Variants in MCM8 observed in about 807,000 individuals in gnomAD.
MCM8 encodes the protein DNA helicase MCM8.
Under a neutral mutation model 98.9 loss-of-function variants are expected in MCM8, and 85 were observed. The ratio of observed to expected loss-of-function variants is 0.86; its 90% CI spans 0.72 to 1.03. The LOEUF is 1.03. Ranked by LOEUF, MCM8 falls within the 50% of genes least tolerant of loss-of-function variation. MCM8 has a pLI of 0.00. For synonymous variants in MCM8, 352 were observed against 338.6 expected (o/e 1.04, Z -0.44); for missense variants, 951 against 997.8 (o/e 0.95, Z 0.63).
intron 3 of MCM8, 131 bp from the exon 4 acceptor site, chr20:5,954,477 A>G (rs2088917491): frequency 2.0e-6 from 1 of 505,188 alleles, no homozygotes; most frequent in Admixed American, 3.4e-5. Context: ...TAGTTCTTAT[A>G]TGAATGTAAT....
chr20:5,963,346 T>G lies in MCM8; in HGVS notation c.862T>G (p.Trp288Gly), dbSNP rs1455204048. The G allele has an allele frequency of 2.5e-6, 4 of 1,613,750 alleles. No individual in the cohort carries two copies. The African/African-American group carries it at 5.3e-5, about 22-fold the overall frequency. The change falls in exon 8 of 19, where the codon TGG becomes GGG. Residue 288 changes from tryptophan to glycine, a missense_variant. Physicochemically the swap from Trp to Gly is radical, Grantham distance 184 (BLOSUM62 -2). Transcript: ENST00000610722. ...CTCTCCTCTCACAGTTACGATGGAC[T>G]GGCAGTCAATCAAGTAAGCGATCAG... is the stretch of plus-strand genomic sequence containing the variant. ...RSSPLTVTMD[W>G]QSIKIQELMS...
intron 11 of MCM8, chr20:5,972,715 C>T: frequency 4.6e-6 from 6 of 1,300,148 alleles, no homozygotes; most frequent in Non-Finnish European, 6.0e-6. Context: ...CCACCAGACC[C>T]AGCTACTTTT....
chr20:5,985,102 C>T (rs1301650335), intron 15 of MCM8, 102 bp downstream of exon 15: 12 of 866,514 alleles, frequency 1.4e-5, no homozygotes, highest in East Asian at 2.6e-5. Context: ...TTTTTTTTAC[C>T]AGAACTTTTT....
chr20:5,975,497 C>CT lies in MCM8; in HGVS notation c.1395+2318dup, dbSNP rs11476043. Among the ~76,000 whole-genome samples the CT allele has an allele frequency of 7.3e-3, 946 of 128,948 alleles. 7 individuals carry two copies. Among genetic ancestry groups the CT allele is most frequent in the African/African-American group, 0.019 (580 of 31,088 alleles). 84.6% of individuals were successfully genotyped at this position (128,948 alleles called of 152,430 possible). Reference sequence around the variant, plus strand: ...GTATATAAAACTTCCTTTTTTTGCTCTTTTTTTTTTTTTTTTTGAGTCGGA... The same window carrying CT: ...GTATATAAAACTTCCTTTTTTTGCTCTTTTTTTTTTTTTTTTTTGAGTCGGA... On this transcript the variant is annotated intron_variant, in intron 12 of 18. Coordinates refer to ENST00000610722, the MANE Select transcript of MCM8 (RefSeq NM_032485.6).
Position 5,951,884 on chromosome 20 carries a change from C to T in MCM8, c.-5-127C>T, listed in dbSNP as rs550071204. ...TGGGTCTTGTATCATAGCTGTACAA[C>T]TTTGCAAGCCTGTTTGCTACTCTTG... On this transcript the variant is annotated intron_variant, in intron 1 of 18. Transcript: ENST00000610722. The T allele has an allele frequency of 4.7e-6, 5 of 1,075,236 alleles. No individual in the cohort carries two copies. In the East Asian group the frequency reaches 1.3e-4, roughly 28 times the overall value. 66.6% of individuals were successfully genotyped at this position (1,075,236 alleles called of 1,614,324 possible). A position where few individuals can be genotyped will look rare whatever the true frequency, so the allele number is the denominator to read the frequency against.
chr20:5,995,237 C>A lies in MCM8; in HGVS notation c.*846C>A, dbSNP rs1449219266. 6.6e-6 allele frequency: 1 copy of A among 152,392 alleles called. No individual in the cohort carries two copies. The allele number at this position is 152,392 out of a possible 1,614,324, so 9.4% of individuals were successfully genotyped here. ...TTAATAATAGGTCTCATTTATTCCA[C>A]AGGCTGTAGTTTGTAGTCTTGCTTG... On this transcript the variant is annotated 3_prime_UTR_variant, in exon 19 of 19. Transcript: ENST00000610722.
chr20:5,986,446 G>A (rs769923275), intron 16 of MCM8, among the ~76,000 whole-genome samples: 1 of 152,206 alleles, frequency 6.6e-6, no homozygotes, highest in African/African-American at 2.4e-5. Context: ...GACCCAAGTT[G>A]AGTATATGGG....
intron 14 of MCM8, among the ~76,000 whole-genome samples, chr20:5,984,488 A>G (rs1455130246): frequency 6.6e-6 from 1 of 152,202 alleles, no homozygotes; most frequent in African/African-American, 2.4e-5. Context: ...CTGATATGTC[A>G]TGTAGCAGTA....
chr20:5,956,278 A>G (rs897917809), intron 5 of MCM8, among the ~76,000 whole-genome samples: 2 of 152,086 alleles, frequency 1.3e-5, no homozygotes, highest in African/African-American at 4.8e-5. Context: ...CTTTCTCATG[A>G]CCACTTTTCG....
chr20:5,990,406 C>T (rs1332072650), intron 17 of MCM8, among the ~76,000 whole-genome samples: 1 of 152,112 alleles, frequency 6.6e-6, no homozygotes, highest in African/African-American at 2.4e-5. Context: ...TCAATTTTCT[C>T]TCTTTATGTG....
At chr20:5,959,903 T>C (rs2089097498) in intron 7 of MCM8, among the ~76,000 whole-genome samples, 1 of 152,086 alleles carries the variant, frequency 6.6e-6, no homozygotes, top group South Asian at 2.1e-4. Context: ...TTCACTATGT[T>C]GGCCAGGCTG....
intron 12 of MCM8, among the ~76,000 whole-genome samples, chr20:5,974,918 C>T (rs2122756300): frequency 6.6e-6 from 1 of 152,298 alleles, no homozygotes; most frequent in South Asian, 2.1e-4. Context: ...ACAATGTAGC[C>T]TGACAACAGA....
chr20:5,954,702 C>T lies in MCM8; in HGVS notation c.336+12C>T, dbSNP rs768597508. The T allele has an allele frequency of 4.0e-6, 6 of 1,494,596 alleles. No homozygotes were observed. Among genetic ancestry groups the T allele is most frequent in the South Asian group, 2.3e-5 (2 of 88,140 alleles). The allele number at this position is 1,494,596 out of a possible 1,614,324, so 92.6% of individuals were successfully genotyped here. On this transcript the variant is annotated intron_variant, in intron 4 of 18. Coordinates refer to ENST00000610722, the MANE Select transcript of MCM8 (RefSeq NM_032485.6). The stretch of plus-strand genomic sequence containing the variant: ...ATTTGTATGACAAGGTAAGATTCCT[C>T]TACAGCAAAGCTACCAGTCATGTGC...
intron 17 of MCM8, among the ~76,000 whole-genome samples, chr20:5,989,370 C>T (rs543670826): frequency 2.0e-5 from 3 of 152,218 alleles, no homozygotes; most frequent in Non-Finnish European, 4.4e-5. Context: ...CCTGCCTTGT[C>T]CTCCCAAAGT....
At chr20:5,970,066 G>A (rs1219291110) in intron 10 of MCM8, among the ~76,000 whole-genome samples, 1 of 152,102 alleles carries the variant, frequency 6.6e-6, no homozygotes, top group Non-Finnish European at 1.5e-5. Context: ...TCTATTATCA[G>A]TCTAGCAGAG....
rs906925550 is a variant in MCM8, at chr20:5,952,625, A to G, written c.253+97A>G. On this transcript the variant is annotated intron_variant, in intron 3 of 18. Coordinates refer to ENST00000610722, the MANE Select transcript of MCM8 (RefSeq NM_032485.6). ...GTATTACTGTAATTCATTTACTAAC[A>G]TATACCTGCTTTAATCTTAGTTCAC... 2.5e-5 allele frequency: 24 copies of G among 966,270 alleles called. No individual in the cohort carries two copies. The African/African-American group carries it at 3.4e-4, about 13-fold the overall frequency. 59.9% of individuals were successfully genotyped at this position (966,270 alleles called of 1,614,324 possible).
chr20:5,959,082 G>A (rs1274409237), intron 7 of MCM8, among the ~76,000 whole-genome samples: 1 of 151,922 alleles, frequency 6.6e-6, no homozygotes, highest in African/African-American at 2.4e-5. Flanking sequence ...TTGACTTCTA[G>A]GTATACACAC....
intron 3 of MCM8, among the ~76,000 whole-genome samples, chr20:5,954,139 T>C (rs376875878): frequency 1.3e-5 from 2 of 152,194 alleles, no homozygotes; most frequent in East Asian, 3.9e-4. Context: ...TGTAGAACTT[T>C]AGAGTGTTAA....
chr20:5,988,907 G>A (rs1321312774), intron 17 of MCM8, among the ~76,000 whole-genome samples: 2 of 152,140 alleles, frequency 1.3e-5, no homozygotes, highest in Non-Finnish European at 2.9e-5. Flanking sequence ...GTGAATAAAA[G>A]TGCAGCATAG....
Sources: gnomAD v4.1 joint callset for allele counts (sites outside exome capture counted in the v4.1 genomes callset) on GRCh38, gnomAD v4.1.1 for gene constraint, MANE v1.5 for transcripts, NCBI Gene and HGNC (gene_info 2026-07-23, HGNC 2026-07-21) for gene names.